ST8SIA4: variants seen among roughly 807,000 people sequenced by gnomAD.
ST8SIA4 encodes ST8 alpha-N-acetyl-neuraminide alpha-2,8-sialyltransferase 4, also known as CMP-N-acetylneuraminate-poly-alpha-2,8-sialyltransferase.
In ST8SIA4, 15 loss-of-function variants were observed where a neutral mutation model predicts 33.9. The ratio of observed to expected loss-of-function variants is 0.44; its 90% CI spans 0.30 to 0.68. ST8SIA4 has a LOEUF of 0.68. ST8SIA4 is among the 30% of genes least tolerant of loss of function. The pLI, the probability that ST8SIA4 is intolerant of heterozygous loss-of-function variation, is 0.10. For missense variants in ST8SIA4, 321 were observed against 428.0 expected (o/e 0.75, Z 2.21); for synonymous variants, 171 against 151.2 (o/e 1.13, Z -0.96).
At chr5:100,866,560 C>G (rs1006411562) in intron 3 of ST8SIA4, among the ~76,000 whole-genome samples, 3 of 150,760 alleles carry the variant, frequency 2.0e-5, no homozygotes, top group Non-Finnish European at 4.4e-5. Flanking sequence ...TCAAGAATGC[C>G]AGGACCTCTT....
chr5:100,867,468 AT>A (rs1752092336), intron 3 of ST8SIA4, among the ~76,000 whole-genome samples: 1 of 152,172 alleles, frequency 6.6e-6, no homozygotes, highest in East Asian at 1.9e-4. Flanking sequence ...ACGAAACAAC[AT>A]TTATTATGGC....
At chr5:100,848,216 G>T (rs955296756) in intron 4 of ST8SIA4, among the ~76,000 whole-genome samples, 1 of 151,622 alleles carries the variant, frequency 6.6e-6, no homozygotes, top group Non-Finnish European at 1.5e-5. Flanking sequence ...AAAATCCTAA[G>T]TGACCACAGT....
Position 100,853,473 on chromosome 5 carries a change from G to A in ST8SIA4, c.797+2630C>T, listed in dbSNP as rs145168895. 4.8e-3 allele frequency among the ~76,000 whole-genome samples: 730 copies of A among 152,278 alleles called. 1 individual carries two copies. Among genetic ancestry groups the A allele is most frequent in the Non-Finnish European group, 7.6e-3 (515 of 67,994 alleles). On this transcript the variant is annotated intron_variant, in intron 4 of 4. Coordinates refer to ENST00000231461, the MANE Select transcript of ST8SIA4 (RefSeq NM_005668.6). ...TGTGAACAGGAAGGTGGAGAGAGAA[G>A]TTATTTCTACAGAATTCAAAATCAG... is the stretch of plus-strand genomic sequence containing the variant.
At position 100,808,726 on chromosome 5, in the gene ST8SIA4, T is replaced by G. The variant is rs1750743214; in HGVS notation, c.*3121A>C. The G allele has an allele frequency of 6.5e-6, 1 of 152,702 alleles. No individual in the cohort carries two copies. Among genetic ancestry groups the G allele is most frequent in the South Asian group, 2.1e-4 (1 of 4,838 alleles). 9.5% of individuals were successfully genotyped at this position (152,702 alleles called of 1,614,324 possible). A position where few individuals can be genotyped will look rare whatever the true frequency, so the allele number is the denominator to read the frequency against. On this transcript the variant is annotated 3_prime_UTR_variant, in exon 5 of 5. Coordinates refer to ENST00000231461, the MANE Select transcript of ST8SIA4 (RefSeq NM_005668.6). ...TTTATGCTCCGCTATTGGTTAAATC[T>G]CAACTCTTTTTCTTATTCTTGCCAT...
Position 100,859,789 on chromosome 5 carries a change from TAGCAAA to T in ST8SIA4, c.504-3399_504-3394del, listed in dbSNP as rs532093509. 1.7e-4 allele frequency among the ~76,000 whole-genome samples: 26 copies of T among 152,230 alleles called. No individual in the cohort carries two copies. The East Asian group carries it at 4.8e-3, about 28-fold the overall frequency. On this transcript the variant is annotated intron_variant, in intron 3 of 4. Coordinates refer to ENST00000231461, the MANE Select transcript of ST8SIA4 (RefSeq NM_005668.6). ...AGCACCTCAAGATTACAGAATTCCC[TAGCAAA>T]AAATCTCTCTTGGATTGGCCATTAT...
rs543048897 is a variant in ST8SIA4, at chr5:100,817,377, C to A, written c.798-5248G>T. 9.1e-4 allele frequency among the ~76,000 whole-genome samples: 139 copies of A among 152,064 alleles called. 1 individual carries two copies. Among genetic ancestry groups the A allele is most frequent in the Middle Eastern group, 6.8e-3 (2 of 294 alleles). ...CCATTTATGATGACCTTATTTTTCCCATCAAAAATCACAGTATGGAGCAAT... is the reference window on the plus strand; with the variant it reads ...CCATTTATGATGACCTTATTTTTCCAATCAAAAATCACAGTATGGAGCAAT... On this transcript the variant is annotated intron_variant, in intron 4 of 4. Coordinates refer to ENST00000231461, the MANE Select transcript of ST8SIA4 (RefSeq NM_005668.6).
chr5:100,876,545 T>C (rs1182542217), intron 3 of ST8SIA4, among the ~76,000 whole-genome samples: 1 of 152,118 alleles, frequency 6.6e-6, no homozygotes, highest in Admixed American at 6.5e-5. Context: ...AGCCAATGAC[T>C]GGCTTCCTTT....
At position 100,811,549 on chromosome 5, in the gene ST8SIA4, T is replaced by G. The variant is rs1750816918; in HGVS notation, c.*298A>C. 4.3e-6 allele frequency: 1 copy of G among 231,410 alleles called. No individual in the cohort carries two copies. The highest frequency in any genetic ancestry group is 7.2e-5 in the South Asian group (1 of 13,888). 14.3% of individuals were successfully genotyped at this position (231,410 alleles called of 1,614,324 possible). On this transcript the variant is annotated 3_prime_UTR_variant, in exon 5 of 5. Coordinates refer to ENST00000231461, the MANE Select transcript of ST8SIA4 (RefSeq NM_005668.6). ...GCAGCCTGACAGTGATGAACATATT[T>G]GCTTTGTTAACTAATGATGAGTGCA...
intron 4 of ST8SIA4, among the ~76,000 whole-genome samples, chr5:100,832,502 G>A (rs1751284135): frequency 6.6e-6 from 1 of 152,066 alleles, no homozygotes; most frequent in African/African-American, 2.4e-5. Flanking sequence ...GAAGGAGATT[G>A]TTCTTATTTT....
intron 3 of ST8SIA4, among the ~76,000 whole-genome samples, chr5:100,865,792 C>G (rs1226126542): frequency 4.6e-5 from 7 of 152,190 alleles, no homozygotes. Context: ...CTTTTACCAC[C>G]AAAATGTGAC....
rs115665706 is a variant in ST8SIA4, at chr5:100,862,269, A to G, written c.504-5873T>C. Among the ~76,000 whole-genome samples, 1,490 of 152,302 alleles carry G rather than the reference A, an allele frequency of 9.8e-3. 25 individuals carry two copies. Among genetic ancestry groups the G allele is most frequent in the African/African-American group, 0.034 (1,416 of 41,560 alleles). On this transcript the variant is annotated intron_variant, in intron 3 of 4. Transcript: ENST00000231461. ...AATTGTACTTAAAAAGAGGAATATG[A>G]CTCAACTGTTCAGGAGAATAAGGCC...
intron 4 of ST8SIA4, among the ~76,000 whole-genome samples, chr5:100,816,720 A>T (rs1357216549): frequency 6.6e-6 from 1 of 152,188 alleles, no homozygotes; most frequent in East Asian, 1.9e-4. Flanking sequence ...ATGAGCCCAG[A>T]AATTCTTCTA....
rs556890353 is a variant in ST8SIA4 at position 100,819,153 on chromosome 5, G to A, written c.798-7024C>T. Among the ~76,000 whole-genome samples the A allele has an allele frequency of 3.9e-5, 6 of 152,216 alleles. No homozygotes were observed. The South Asian group carries it at 1.2e-3, about 32-fold the overall frequency. ...AATATATTATCATCCCTACTTCATA[G>A]AGGATGCAGTTGTGGCTCAAGAAGT... On this transcript the variant is annotated intron_variant, in intron 4 of 4. Coordinates refer to ENST00000231461, the MANE Select transcript of ST8SIA4 (RefSeq NM_005668.6).
At position 100,903,060 on chromosome 5, in the gene ST8SIA4, C is replaced by A. The variant is rs1172874914; in HGVS notation, c.-105G>T. The A allele has an allele frequency of 5.1e-6, 4 of 787,130 alleles. No homozygotes were observed. Among genetic ancestry groups the A allele is most frequent in the East Asian group, 2.6e-5 (1 of 38,682 alleles). The allele number at this position is 787,130 out of a possible 1,614,324, so 48.8% of individuals were successfully genotyped here. A position where few individuals can be genotyped will look rare whatever the true frequency, so the allele number is the denominator to read the frequency against. On this transcript the variant is annotated 5_prime_UTR_variant, in exon 1 of 5. Transcript: ENST00000231461. Reference sequence around the variant, plus strand: ...TCGCGGGGGTGAAATCTGTAAAATGCGAGGAGAGCTTGGAGCCGGGATCCC... The same window carrying A: ...TCGCGGGGGTGAAATCTGTAAAATGAGAGGAGAGCTTGGAGCCGGGATCCC...
At chr5:100,892,571 G>A (rs1294191365) in intron 2 of ST8SIA4, among the ~76,000 whole-genome samples, 1 of 151,952 alleles carries the variant, frequency 6.6e-6, no homozygotes, top group Admixed American at 6.6e-5. Flanking sequence ...TAGTAATAGG[G>A]TTGAAAATCA....
rs1752834427 is a variant in ST8SIA4 at position 100,898,801 on chromosome 5, C to T, written c.114-3016G>A. Among the ~76,000 whole-genome samples the T allele has an allele frequency of 2.0e-5, 3 of 152,334 alleles. No homozygotes were observed. The South Asian group carries it at 6.2e-4, about 32-fold the overall frequency. On this transcript the variant is annotated intron_variant, in intron 1 of 4. Coordinates refer to ENST00000231461, the MANE Select transcript of ST8SIA4 (RefSeq NM_005668.6). ...TTCCAGATCAGACATGACTTTTGAA[C>T]AGCTGCACTGAAAACATTTATTGCA...
chr5:100,859,609 T>G (rs1260405939), intron 3 of ST8SIA4, among the ~76,000 whole-genome samples: 1 of 152,130 alleles, frequency 6.6e-6, no homozygotes, highest in Non-Finnish European at 1.5e-5. Context: ...CTCCACTGTA[T>G]TCTAAGCCTC....
At chr5:100,823,046 G>C (rs1751064464) in intron 4 of ST8SIA4, among the ~76,000 whole-genome samples, 1 of 152,082 alleles carries the variant, frequency 6.6e-6, no homozygotes, top group South Asian at 2.1e-4. Context: ...GGGGAGAATG[G>C]TGTGAACCCG....
intron 3 of ST8SIA4, among the ~76,000 whole-genome samples, chr5:100,863,442 T>C (rs1470734207): frequency 1.3e-5 from 2 of 152,176 alleles, no homozygotes; most frequent in Non-Finnish European, 2.9e-5. Context: ...ATAAAACCAG[T>C]GGCCCATATT....
Sources: gnomAD v4.1 joint callset for allele counts (sites outside exome capture counted in the v4.1 genomes callset) on GRCh38, gnomAD v4.1.1 for gene constraint, MANE v1.5 for transcripts, NCBI Gene and HGNC (gene_info 2026-07-23, HGNC 2026-07-21) for gene names.